The following NOMO1 variants were observed in gnomAD, a reference collection of about 807,000 sequenced individuals.
The protein encoded by NOMO1 is nodal modulator 3.
Under a neutral mutation model 133.8 loss-of-function variants are expected in NOMO1, and 40 were observed. The ratio of observed to expected loss-of-function variants is 0.30; its 90% CI spans 0.23 to 0.39. The LOEUF is 0.39. Among genes scored for constraint, NOMO1 ranks in the 10% least tolerant of loss-of-function variants. NOMO1 has a pLI of 1.00. For synonymous variants in NOMO1, 236 were observed against 570.5 expected (o/e 0.41, Z 8.36); for missense variants, 462 against 1,419.9 (o/e 0.33, Z 10.84).
At chr16:14,866,121 G>A (rs1309886410) in intron 14 of NOMO1, among the ~76,000 whole-genome samples, 1 of 147,558 alleles carries the variant, frequency 6.8e-6, no homozygotes, top group Non-Finnish European at 1.5e-5. Flanking sequence ...GTGGTGGCGC[G>A]ACCTTGGCTC....
rs1332132804 is a variant in NOMO1, at chr16:14,838,977, T to A, written c.255+481T>A. ...GTCTTTAGAAGTATGTGAAATAAAT[T>A]TGTACCCTTTTCCCTCCAATTTTAC... On this transcript the variant is annotated intron_variant, in intron 2 of 30. Coordinates refer to ENST00000287667, the MANE Select transcript of NOMO1 (RefSeq NM_014287.4). Among the ~76,000 whole-genome samples the A allele has an allele frequency of 3.9e-5, 6 of 151,956 alleles. No individual in the cohort carries two copies. The East Asian group carries it at 9.7e-4, about 24-fold the overall frequency.
chr16:14,839,169 C>T (rs560456538), intron 2 of NOMO1, among the ~76,000 whole-genome samples: 1 of 151,934 alleles, frequency 6.6e-6, no homozygotes, highest in East Asian at 1.9e-4. Flanking sequence ...ATTTTCCTTC[C>T]TCAGCCTCCC....
At chr16:14,873,641 A>G (rs1234058722) in intron 18 of NOMO1, among the ~76,000 whole-genome samples, 4 of 151,198 alleles carry the variant, frequency 2.6e-5, no homozygotes, top group East Asian at 2.0e-4. Context: ...AGGACTAGCA[A>G]TCTACCTTCT....
intron 18 of NOMO1, 84 bp from the exon 19 acceptor site, chr16:14,874,952 C>T (rs1164708997): frequency 5.8e-5 from 88 of 1,513,944 alleles, no homozygotes; most frequent in African/African-American, 5.5e-5. Flanking sequence ...GTTTGTAACT[C>T]GCAAGTCCAT....
At chr16:14,874,683 T>C (rs1159079030) in intron 18 of NOMO1, among the ~76,000 whole-genome samples, 1 of 152,006 alleles carries the variant, frequency 6.6e-6, no homozygotes, top group Non-Finnish European at 1.5e-5. Context: ...GTATCCTTGG[T>C]GCCTAGTTCT....
chr16:14,872,617 G>GA (rs1230264974), intron 18 of NOMO1, among the ~76,000 whole-genome samples: 2 of 48,342 alleles, frequency 4.1e-5, no homozygotes. Flanking sequence ...CTTTGCTAAG[G>GA]AAAAAAAAAA....
chr16:14,881,589 G>A lies in NOMO1; in HGVS notation c.2931G>A (p.Gly977=). The A allele has an allele frequency of 6.2e-7, 1 of 1,609,824 alleles. No individual in the cohort carries two copies. Among genetic ancestry groups the A allele is most frequent in the Non-Finnish European group, 8.5e-7 (1 of 1,178,804 alleles). Residue 977 remains glycine (G), a synonymous_variant, in exon 25 of 31, where the codon GGG becomes GGA. Transcript: ENST00000287667. ...CCTTAAACGGAGAGCCCGAACAAGG[G>A]GTTGCCATGGAAGCGGTGGGCCAGA... ...VSSLNGEPEQ[G]VAMEAVGQND... is the part of the protein sequence containing the mutation.
rs1393616551 is a variant in NOMO1, at chr16:14,843,006, T to G, written c.301+1599T>G. Among the ~76,000 whole-genome samples, 3 of 143,766 alleles carry G rather than the reference T, an allele frequency of 2.1e-5. No individual in the cohort carries two copies. The South Asian group carries it at 6.8e-4, about 33-fold the overall frequency. The allele number at this position is 143,766 out of a possible 152,430, so 94.3% of individuals were successfully genotyped here. On this transcript the variant is annotated intron_variant, in intron 3 of 30. Transcript: ENST00000287667. ...TGTGATCTCAGTTCACTGCAACTTCTGCCCGGGTTCAAGCAATTCTTGTGC... is the reference window on the plus strand; with the variant it reads ...TGTGATCTCAGTTCACTGCAACTTCGGCCCGGGTTCAAGCAATTCTTGTGC...
chr16:14,885,780 G>A (rs1435592038), intron 27 of NOMO1, among the ~76,000 whole-genome samples: 2 of 151,848 alleles, frequency 1.3e-5, no homozygotes, highest in Non-Finnish European at 2.9e-5. Flanking sequence ...CTAGAATTGA[G>A]GCTCAGGGTT....
In NOMO1 at chr16:14,844,702, TG is replaced by T; in HGVS notation, c.332del (p.Gly111GlufsTer21). 1.6e-6 allele frequency: 1 copy of T among 639,258 alleles called. No homozygotes were observed. The highest frequency in any genetic ancestry group is 2.6e-6 in the Non-Finnish European group (1 of 385,680). The allele number at this position is 639,258 out of a possible 1,614,324, so 39.6% of individuals were successfully genotyped here. A position where few individuals can be genotyped will look rare whatever the true frequency, so the allele number is the denominator to read the frequency against. ...CGACGACCGTGGAGCTCCATGTGGA[TG>T]GAGTCAGTGACATCTGCACAAAGGG... is the stretch of plus-strand genomic sequence containing the variant. Reference protein sequence around the residue: ...EPTTVELHVDGVSDICTKGGD... With the variant: ...EPTTVELHVDXVSDICTKGGD... On this transcript the variant is annotated frameshift_variant, in exon 4 of 31. Coordinates refer to ENST00000287667, the MANE Select transcript of NOMO1 (RefSeq NM_014287.4). LOFTEE classifies it high-confidence loss of function.
intron 11 of NOMO1, among the ~76,000 whole-genome samples, chr16:14,860,924 G>A (rs1963915130): frequency 6.7e-6 from 1 of 148,968 alleles, no homozygotes; most frequent in South Asian, 2.2e-4. Context: ...GCGCCATCTC[G>A]GCTCACTGCA....
intron 14 of NOMO1, among the ~76,000 whole-genome samples, chr16:14,865,832 G>A (rs375310614): frequency 0.1 from 11,787 of 116,666 alleles, 219 homozygotes; most frequent in South Asian, 0.12. Flanking sequence ...TTTTATAAGC[G>A]TAGTTTCCTT....
chr16:14,866,146 G>A lies in NOMO1; in HGVS notation c.1670-409G>A, dbSNP rs554899011. Among the ~76,000 whole-genome samples, 307 of 147,048 alleles carry A rather than the reference G, an allele frequency of 2.1e-3. 2 individuals are homozygous for A. Among genetic ancestry groups the A allele is most frequent in the African/African-American group, 7.1e-3 (277 of 39,236 alleles). ...GACCTTGGCTCACTGCAACCTCTCC[G>A]CCTTCTGGGTGCAGGAGATTCTCTT... On this transcript the variant is annotated intron_variant, in intron 14 of 30. Coordinates refer to ENST00000287667, the MANE Select transcript of NOMO1 (RefSeq NM_014287.4).
In NOMO1 at chr16:14,886,746, T is replaced by A; in HGVS notation, c.3223-15T>A. ...TTCAGTTTCAAAGCATGTCTGACTT[T>A]GTTTCTCCCTCCAGGTCAAGCTTTA... On this transcript the variant is annotated splice_polypyrimidine_tract_variant and intron_variant, in intron 27 of 30. Transcript: ENST00000287667. The A allele has an allele frequency of 6.2e-7, 1 of 1,611,140 alleles. No homozygotes were observed. The highest frequency in any genetic ancestry group is 8.5e-7 in the Non-Finnish European group (1 of 1,179,368).
chr16:14,840,557 A>C (rs1377549299), intron 2 of NOMO1, among the ~76,000 whole-genome samples: 1 of 145,224 alleles, frequency 6.9e-6, no homozygotes, highest in Non-Finnish European at 1.5e-5. Context: ...ACTTCACTCC[A>C]GCCTGGGCAA....
intron 27 of NOMO1, among the ~76,000 whole-genome samples, chr16:14,886,201 G>A (rs1406049483): frequency 1.3e-5 from 2 of 151,084 alleles, no homozygotes; most frequent in East Asian, 1.9e-4. Flanking sequence ...GGAGAGCCAC[G>A]TACATGATGG....
At chr16:14,839,180 A>G (rs4781627) in intron 2 of NOMO1, among the ~76,000 whole-genome samples, 1 of 151,510 alleles carries the variant, frequency 6.6e-6, no homozygotes, top group African/African-American at 2.4e-5. Flanking sequence ...TCAGCCTCCC[A>G]AATAGCTGGG....
At chr16:14,857,475 A>G in intron 10 of NOMO1, 30 bp from the exon 11 acceptor site, 1 of 1,607,768 alleles carries the variant, frequency 6.2e-7, no homozygotes, top group Non-Finnish European at 8.5e-7. Flanking sequence ...TTTTTGGCTT[A>G]TCTTCTGTTT....
Position 14,896,120 on chromosome 16 carries a change from A to G in NOMO1, c.*475A>G, listed in dbSNP as rs1964498726. The G allele has an allele frequency of 6.2e-7, 1 of 1,610,048 alleles. No homozygotes were observed. The highest frequency in any genetic ancestry group is 1.3e-5 in the African/African-American group (1 of 74,752). On this transcript the variant is annotated 3_prime_UTR_variant, in exon 31 of 31. Coordinates refer to ENST00000287667, the MANE Select transcript of NOMO1 (RefSeq NM_014287.4). The stretch of plus-strand genomic sequence containing the variant: ...CCTGTATCCACTATTAGGAGGTAAA[A>G]ATCAATAAAATGGCCCATTCATTTG...
Sources: gnomAD v4.1 joint callset for allele counts (sites outside exome capture counted in the v4.1 genomes callset) on GRCh38, gnomAD v4.1.1 for gene constraint, MANE v1.5 for transcripts, NCBI Gene and HGNC (gene_info 2026-07-23, HGNC 2026-07-21) for gene names.